The following RGS7 variants were observed in gnomAD, a reference collection of about 807,000 sequenced individuals.
RGS7 encodes regulator of G-protein signaling 7.
Under a neutral mutation model 81.1 loss-of-function variants are expected in RGS7, and 27 were observed. That is an observed-to-expected ratio of 0.33 (90% confidence interval 0.25 to 0.46). RGS7 has a LOEUF of 0.46. RGS7 is among the 20% of genes least tolerant of loss of function. The probability of loss-of-function intolerance (pLI) is 1.00; values close to 1 mark genes in which losing one functional copy is unlikely to be tolerated. For missense variants in RGS7, 396 were observed against 607.4 expected (o/e 0.65, Z 3.66); for synonymous variants, 208 against 207.7 (o/e 1.00, Z -0.01).
At chr1:240,797,074 C>T (rs1687191890) in intron 18 of RGS7, among the ~76,000 whole-genome samples, 1 of 152,194 alleles carries the variant, frequency 6.6e-6, no homozygotes, top group South Asian at 2.1e-4. Context: ...TTCCACTTCA[C>T]ACAAAGACAA....
intron 3 of RGS7, among the ~76,000 whole-genome samples, chr1:241,033,596 T>A (rs1393650415): frequency 6.6e-6 from 1 of 152,138 alleles, no homozygotes; most frequent in Non-Finnish European, 1.5e-5. Flanking sequence ...TGCCCTTTAC[T>A]ATTCTTTTTT....
At chr1:241,021,486 G>A (rs1307252400) in intron 3 of RGS7, among the ~76,000 whole-genome samples, 1 of 152,126 alleles carries the variant, frequency 6.6e-6, no homozygotes, top group Non-Finnish European at 1.5e-5. Context: ...ATCTCCGATT[G>A]GTGCACAGCT....
At chr1:240,899,411 A>C (rs2148189068) in intron 6 of RGS7, among the ~76,000 whole-genome samples, 1 of 152,308 alleles carries the variant, frequency 6.6e-6, no homozygotes, top group East Asian at 1.9e-4. Flanking sequence ...ATGTTTTAGC[A>C]ATGGCTGGTA....
chr1:240,876,414 T>G (rs1343244259), intron 6 of RGS7, among the ~76,000 whole-genome samples: 1 of 152,142 alleles, frequency 6.6e-6, no homozygotes, highest in African/African-American at 2.4e-5. Flanking sequence ...AGAAAGCAAT[T>G]ACTGGGATCA....
chr1:241,080,439 T>C (rs2063068490), intron 3 of RGS7, among the ~76,000 whole-genome samples: 1 of 152,022 alleles, frequency 6.6e-6, no homozygotes, highest in African/African-American at 2.4e-5. Context: ...CTATAGCAAA[T>C]CTAACATAAG....
chr1:241,348,788 G>T (rs1488468332), intron 2 of RGS7, among the ~76,000 whole-genome samples: 1 of 152,094 alleles, frequency 6.6e-6, no homozygotes, highest in East Asian at 1.9e-4. Flanking sequence ...GTCTAGATAG[G>T]GCTAAACAAT....
intron 9 of RGS7, among the ~76,000 whole-genome samples, chr1:240,858,037 T>G (rs1010051516): frequency 6.6e-6 from 1 of 152,220 alleles, no homozygotes; most frequent in East Asian, 1.9e-4. Context: ...ACTGAGTCAA[T>G]TAAACCTGTT....
Position 240,862,925 on chromosome 1 carries a change from ATGTG to A in RGS7, c.609+5658_609+5661del, listed in dbSNP as rs150023240. Reference sequence around the variant, plus strand: ...TACGAATAATTTCTGTAAACTAAATATGTGTGTGTGTGTGTGTGTGTGTGTGTGT... The same window carrying A: ...TACGAATAATTTCTGTAAACTAAATATGTGTGTGTGTGTGTGTGTGTGTGT... On this transcript the variant is annotated intron_variant, in intron 9 of 18. Transcript: ENST00000440928. 4.8e-3 allele frequency among the ~76,000 whole-genome samples: 701 copies of A among 144,590 alleles called. 2 individuals carry two copies. Among genetic ancestry groups the A allele is most frequent in the African/African-American group, 7.6e-3 (302 of 39,962 alleles). The allele number at this position is 144,590 out of a possible 152,430, so 94.9% of individuals were successfully genotyped here. A position where few individuals can be genotyped will look rare whatever the true frequency, so the allele number is the denominator to read the frequency against.
At chr1:241,118,257 AG>A (rs1445342201) in intron 2 of RGS7, among the ~76,000 whole-genome samples, 2 of 152,200 alleles carry the variant, frequency 1.3e-5, no homozygotes, top group African/African-American at 4.8e-5. Context: ...TCCTTAAACA[AG>A]TTTCCACCCA....
At chr1:241,191,297 A>T (rs1445276343) in intron 2 of RGS7, among the ~76,000 whole-genome samples, 1 of 151,984 alleles carries the variant, frequency 6.6e-6, no homozygotes, top group Non-Finnish European at 1.5e-5. Context: ...TGTTATTTTT[A>T]TGAGAATTTT....
At chr1:241,143,746 G>A (rs944844991) in intron 2 of RGS7, among the ~76,000 whole-genome samples, 1 of 152,164 alleles carries the variant, frequency 6.6e-6, no homozygotes, top group South Asian at 2.1e-4. Context: ...CTGAATGTTT[G>A]TGTCCCCCCT....
At chr1:240,924,611 T>C (rs1558473174) in intron 6 of RGS7, among the ~76,000 whole-genome samples, 1 of 152,222 alleles carries the variant, frequency 6.6e-6, no homozygotes, top group Non-Finnish European at 1.5e-5. Flanking sequence ...ATATGTATTT[T>C]TTCTGGCTAA....
At chr1:241,038,787 G>T (rs916201637) in intron 3 of RGS7, among the ~76,000 whole-genome samples, 7 of 151,964 alleles carry the variant, frequency 4.6e-5, no homozygotes, top group African/African-American at 1.7e-4. Context: ...GACCAGCCTG[G>T]GCAATACAGC....
At chr1:240,791,339 A>AT in intron 18 of RGS7, among the ~76,000 whole-genome samples, 1 of 152,214 alleles carries the variant, frequency 6.6e-6, no homozygotes, top group Non-Finnish European at 1.5e-5. Context: ...AGGGCAGGAG[A>AT]TTTTGCCCAA....
intron 9 of RGS7, among the ~76,000 whole-genome samples, chr1:240,840,245 TG>T (rs1403042389): frequency 1.3e-5 from 2 of 152,028 alleles, no homozygotes; most frequent in Non-Finnish European, 2.9e-5. Context: ...GCAAACACCT[TG>T]CCATGCTCTA....
At chr1:241,033,328 G>A (rs914848614) in intron 3 of RGS7, among the ~76,000 whole-genome samples, 3 of 152,122 alleles carry the variant, frequency 2.0e-5, no homozygotes, top group African/African-American at 7.2e-5. Flanking sequence ...TCCAGCCTGG[G>A]TGACAGAGCG....
chr1:241,038,385 A>G (rs1481868628), intron 3 of RGS7, among the ~76,000 whole-genome samples: 2 of 152,206 alleles, frequency 1.3e-5, no homozygotes, highest in Non-Finnish European at 2.9e-5. Flanking sequence ...AGACTCATTT[A>G]AAAACGTTAC....
At chr1:241,195,814 A>G (rs2073028049) in intron 2 of RGS7, among the ~76,000 whole-genome samples, 1 of 152,130 alleles carries the variant, frequency 6.6e-6, no homozygotes, top group Non-Finnish European at 1.5e-5. Context: ...AAAAAATTAC[A>G]GAAAATAAAG....
chr1:241,134,570 A>T (rs1370803414), intron 2 of RGS7, among the ~76,000 whole-genome samples: 1 of 152,208 alleles, frequency 6.6e-6, no homozygotes, highest in East Asian at 1.9e-4. Flanking sequence ...AATAGAATGG[A>T]TATTAGATGA....
Sources: gnomAD v4.1 joint callset for allele counts (sites outside exome capture counted in the v4.1 genomes callset) on GRCh38, gnomAD v4.1.1 for gene constraint, MANE v1.5 for transcripts, NCBI Gene and HGNC (gene_info 2026-07-23, HGNC 2026-07-21) for gene names.